The following TRPM2 variants were observed in gnomAD, a reference collection of about 807,000 sequenced individuals.
The protein encoded by TRPM2 is transient receptor potential cation channel subfamily M member 2.
In TRPM2, 161 loss-of-function variants were observed where a neutral mutation model predicts 174.0. That is an observed-to-expected ratio of 0.93 (90% confidence interval 0.81 to 1.05). The LOEUF (loss-of-function observed/expected upper bound fraction) is 1.05, where lower values mean the gene tolerates loss of function less well. Among genes scored for constraint, TRPM2 ranks in the 50% least tolerant of loss-of-function variants. The probability of loss-of-function intolerance (pLI) is 0.00; values close to 1 mark genes in which losing one functional copy is unlikely to be tolerated. For missense variants in TRPM2, 2,057 were observed against 2,038.0 expected, an observed-to-expected ratio of 1.01 and a Z score of -0.18; for synonymous variants, 954 against 861.3, an observed-to-expected ratio of 1.11 and a Z score of -1.88.
In TRPM2 at chr21:44,427,085, G is replaced by A. The variant is rs112143099; in HGVS notation, c.3948G>A (p.Pro1316=). Reference sequence around the variant, plus strand: ...GGGACCGCCGGAGCTTCCACGGGCCGTACACAGTGCAGGCCGGGTTGCCCC... The same window carrying A: ...GGGACCGCCGGAGCTTCCACGGGCCATACACAGTGCAGGCCGGGTTGCCCC... ...GLRDRRSFHG[P]YTVQAGLPLN... Residue 1316 remains proline, a synonymous_variant, in exon 27 of 32, where the codon CCG becomes CCA. Coordinates refer to ENST00000397928, the MANE Select transcript of TRPM2 (RefSeq NM_003307.4). 1.4e-4 allele frequency: 232 copies of A among 1,602,970 alleles called. No individual in the cohort carries two copies. In the African/African-American group the frequency reaches 2.5e-3, roughly 17 times the overall value.
chr21:44,440,637 G>T, intron 30 of TRPM2, 152 bp from the exon 31 acceptor site: 4 of 699,430 alleles, frequency 5.7e-6, no homozygotes, highest in Non-Finnish European at 1.0e-5. Flanking sequence ...GCAGGCCCAG[G>T]CAGGCTGGCG....
Position 44,399,577 on chromosome 21 carries a change from C to G in TRPM2, c.2208+136C>G, listed in dbSNP as rs1772401899. On this transcript the variant is annotated intron_variant, in intron 14 of 31. Coordinates refer to ENST00000397928, the MANE Select transcript of TRPM2 (RefSeq NM_003307.4). This position sits in a 1 kb window ranked among gnomAD's most constrained non-coding sequence, Gnocchi z 4.6. Reference sequence around the variant, plus strand: ...TCAGCAGCTCGGGGACAGCGCCTGACCCCTCGGCCACCTGCTCCAGGCTCT... The same window carrying G: ...TCAGCAGCTCGGGGACAGCGCCTGAGCCCTCGGCCACCTGCTCCAGGCTCT... 1 of 1,227,514 alleles carries G rather than the reference C, an allele frequency of 8.1e-7. No homozygotes were observed. The highest frequency in any genetic ancestry group is 1.1e-6 in the Non-Finnish European group (1 of 928,556). The allele number at this position is 1,227,514 out of a possible 1,614,324, so 76.0% of individuals were successfully genotyped here.
intron 8 of TRPM2, among the ~76,000 whole-genome samples, chr21:44,380,979 C>T (rs776688169): frequency 2.6e-5 from 4 of 152,060 alleles, no homozygotes; most frequent in Non-Finnish European, 4.4e-5. Flanking sequence ...AGCTGCTTTA[C>T]GGTATGAGGA....
intron 21 of TRPM2, 90 bp from the exon 22 acceptor site, chr21:44,418,333 C>T (rs368130007): frequency 1.3e-6 from 2 of 1,546,518 alleles, no homozygotes; most frequent in African/African-American, 2.7e-5. Context: ...GGACTGGCCC[C>T]CTCCCACGGG....
At chr21:44,381,624 G>A (rs1000278629) in intron 8 of TRPM2, among the ~76,000 whole-genome samples, 2 of 151,918 alleles carry the variant, frequency 1.3e-5, no homozygotes, top group Non-Finnish European at 1.5e-5. Flanking sequence ...TAAAATGGAT[G>A]GACTGGGCAC....
Position 44,403,277 on chromosome 21 carries a change from G to A in TRPM2, c.2538+1380G>A, listed in dbSNP as rs569630449. Among the ~76,000 whole-genome samples the A allele has an allele frequency of 1.1e-4, 16 of 152,252 alleles. No individual in the cohort carries two copies. The South Asian group carries it at 2.3e-3, about 22-fold the overall frequency. ...ACCTGCCCCACCTGTCCAGCTGCTG[G>A]GTCCTGGGGCCTGGGGCTAGGGAGG... is the stretch of plus-strand genomic sequence containing the variant. On this transcript the variant is annotated intron_variant, in intron 16 of 31. Coordinates refer to ENST00000397928, the MANE Select transcript of TRPM2 (RefSeq NM_003307.4).
In TRPM2 at chr21:44,442,483, G is replaced by A. The variant is rs748468823; in HGVS notation, c.*666G>A. ...CAGAAGCTCTCCCTCCCTACTCCCT[G>A]GGAGCCACGTGCTGGCCATGTGGCC... On this transcript the variant is annotated 3_prime_UTR_variant, in exon 32 of 32. Coordinates refer to ENST00000397928, the MANE Select transcript of TRPM2 (RefSeq NM_003307.4). 2 of 152,330 alleles carry A rather than the reference G, an allele frequency of 1.3e-5. No individual in the cohort carries two copies. Among genetic ancestry groups the A allele is most frequent in the African/African-American group, 2.4e-5 (1 of 41,466 alleles). The allele number at this position is 152,330 out of a possible 1,614,324, so 9.4% of individuals were successfully genotyped here.
chr21:44,441,704 T>A lies in TRPM2; in HGVS notation c.4399T>A (p.Cys1467Ser), dbSNP rs767370551. 6.2e-7 allele frequency: 1 copy of A among 1,610,662 alleles called. No individual in the cohort carries two copies. Among genetic ancestry groups the A allele is most frequent in the Admixed American group, 1.7e-5 (1 of 59,772 alleles). ...LNRLNSNLHA[C>S]DSGASIRWQV... ...CTTGTTCTTCCAGAACCTGCACGCC[T>A]GCGACTCGGGGGCCTCCATCCGATG... Residue 1467 changes from cysteine to serine, a missense_variant, in exon 32 of 32, where the codon TGC becomes AGC. Coordinates refer to ENST00000397928, the MANE Select transcript of TRPM2 (RefSeq NM_003307.4).
chr21:44,398,838 A>G (rs1804622799), intron 13 of TRPM2, among the ~76,000 whole-genome samples: 1 of 152,094 alleles, frequency 6.6e-6, no homozygotes. Flanking sequence ...TGACTCCTAA[A>G]CCATAATTTC....
At chr21:44,377,975 A>G (rs967259776) in intron 7 of TRPM2, among the ~76,000 whole-genome samples, 1 of 152,182 alleles carries the variant, frequency 6.6e-6, no homozygotes, top group Non-Finnish European at 1.5e-5. Context: ...AGGTGCCTGG[A>G]GGAGGAGGCT....
At position 44,366,858 on chromosome 21, in the gene TRPM2, G is replaced by C; in HGVS notation, c.528G>C (p.Gly176=). Reference sequence around the variant, plus strand: ...ATCTCTTGATCTCGGTGACCGGGGGGGCCAAGAACTTCAACATGAAGCCGC... The same window carrying C: ...ATCTCTTGATCTCGGTGACCGGGGGCGCCAAGAACTTCAACATGAAGCCGC... ...VPNLLISVTG[G]AKNFNMKPRL... Residue 176 remains glycine, a synonymous_variant, in exon 4 of 32, where the codon GGG becomes GGC. Coordinates refer to ENST00000397928, the MANE Select transcript of TRPM2 (RefSeq NM_003307.4). The surrounding 1 kb of genome is among the most constrained non-coding windows in gnomAD (Gnocchi z 6.0). 1 of 1,613,666 alleles carries C rather than the reference G, an allele frequency of 6.2e-7. No homozygotes were observed. Among genetic ancestry groups the C allele is most frequent in the Non-Finnish European group, 8.5e-7 (1 of 1,179,806 alleles).
At chr21:44,411,561 G>T (rs947324152) in intron 19 of TRPM2, among the ~76,000 whole-genome samples, 1 of 152,090 alleles carries the variant, frequency 6.6e-6, no homozygotes, top group African/African-American at 2.4e-5. Flanking sequence ...TTCCAAACTG[G>T]TTGCCTTTTA....
intron 9 of TRPM2, among the ~76,000 whole-genome samples, chr21:44,387,116 G>A (rs149092150): frequency 6.6e-6 from 1 of 152,120 alleles, no homozygotes; most frequent in Non-Finnish European, 1.5e-5. Context: ...AGCCCAGAAG[G>A]TTGGGGCTGC....
chr21:44,355,442 A>G (rs2048032646), intron 2 of TRPM2, among the ~76,000 whole-genome samples: 1 of 152,046 alleles, frequency 6.6e-6, no homozygotes, highest in Non-Finnish European at 1.5e-5. Flanking sequence ...CTTTTACTCC[A>G]TTGCCTGGTG....
At chr21:44,404,750 C>T (rs546596074) in intron 16 of TRPM2, among the ~76,000 whole-genome samples, 15 of 149,864 alleles carry the variant, frequency 1.0e-4, no homozygotes, top group South Asian at 2.1e-4. Context: ...ATGATAGTGA[C>T]AGTGATAGTG....
At chr21:44,353,998 A>C in intron 1 of TRPM2, 133 bp downstream of exon 1, 1 of 1,094,348 alleles carries the variant, frequency 9.1e-7, no homozygotes, top group Non-Finnish European at 1.3e-6. Context: ...GCCCAACCAT[A>C]CCTTTGGGAG....
intron 2 of TRPM2, among the ~76,000 whole-genome samples, chr21:44,356,681 G>A (rs937292540): frequency 3.9e-5 from 6 of 152,094 alleles, no homozygotes; most frequent in African/African-American, 1.4e-4. Flanking sequence ...GACCTCAGGT[G>A]ATCCACCAGC....
At chr21:44,353,477 C>T (rs1383160296), upstream of TRPM2, 1 of 548,688 alleles carries the variant, frequency 1.8e-6, no homozygotes, top group African/African-American at 2.0e-5. Flanking sequence ...AGGGACACAG[C>T]TCAGGCAGCT....
At chr21:44,395,365 T>C (rs2049310984) in intron 11 of TRPM2, 49 bp from the exon 12 acceptor site, 1 of 1,600,138 alleles carries the variant, frequency 6.2e-7, no homozygotes, top group South Asian at 1.1e-5. Flanking sequence ...CGCCAGTGAC[T>C]CTGAGCCAGG....
Sources: gnomAD v4.1 joint callset for allele counts (sites outside exome capture counted in the v4.1 genomes callset) on GRCh38, gnomAD v4.1.1 for gene constraint, Gnocchi (gnomAD v3.1) non-coding constraint, MANE v1.5 for transcripts, NCBI Gene and HGNC (gene_info 2026-07-23, HGNC 2026-07-21) for gene names.